Variants in USH2A observed in about 807,000 individuals in gnomAD.
USH2A encodes Usher syndrome 2A (autosomal recessive, mild).
USH2A carries 443 observed loss-of-function variants against 538.9 expected under a neutral mutation model. That is an observed-to-expected ratio of 0.82 (90% CI 0.76 to 0.89). The LOEUF is 0.89. USH2A is among the 40% of genes least tolerant of loss of function. The pLI is 0.00. For missense variants in USH2A, 6,633 were observed against 6,324.8 expected, an observed-to-expected ratio of 1.05 and a Z score of -1.65; for synonymous variants, 2,413 against 2,273.5, an observed-to-expected ratio of 1.06 and a Z score of -1.75.
At chr1:215,998,859 A>G in intron 34 of USH2A, 28 bp downstream of exon 34, 1 of 1,608,474 alleles carries the variant, frequency 6.2e-7, no homozygotes, top group Non-Finnish European at 8.5e-7. Context: ...AGGAATGGGG[A>G]CAGAGAAAGT....
chr1:215,897,979 G>T (rs1665394992), intron 40 of USH2A, among the ~76,000 whole-genome samples: 2 of 152,230 alleles, frequency 1.3e-5, no homozygotes, highest in African/African-American at 4.8e-5. Context: ...CTCAGTCTTT[G>T]TCAACTCAAT....
chr1:215,747,744 G>A (rs1020039040), intron 58 of USH2A, among the ~76,000 whole-genome samples: 1 of 152,150 alleles, frequency 6.6e-6, no homozygotes, highest in Non-Finnish European at 1.5e-5. Flanking sequence ...TCCATCCAGA[G>A]TATCCTAGAA....
In USH2A at chr1:216,421,949, CA is replaced by C. The variant is rs1484339054; in HGVS notation, c.387del (p.Phe129LeufsTer16). 6 of 1,613,758 alleles carry C rather than the reference CA, an allele frequency of 3.7e-6. No homozygotes were observed. The highest frequency in any genetic ancestry group is 5.1e-6 in the Non-Finnish European group (6 of 1,179,914). On this transcript the variant is annotated frameshift_variant, in exon 2 of 72. Transcript: ENST00000307340. LOFTEE classifies it high-confidence loss of function. ...GAAGAAAAGCAGCTCTTGTGATTTC[CA>C]AAAATAAAACTTGCAGAATTGCTAT... ...NAHSNSASFI[F>X]GNHKSCFSSP...
chr1:216,073,411 AT>A, intron 27 of USH2A, 111 bp from the exon 28 acceptor site: 1 of 1,154,950 alleles, frequency 8.7e-7, no homozygotes, highest in Non-Finnish European at 1.3e-6. Flanking sequence ...GTTAGATACA[AT>A]TGCTAGACTT....
chr1:216,063,748 A>G (rs1351213275), intron 30 of USH2A, among the ~76,000 whole-genome samples: 1 of 152,196 alleles, frequency 6.6e-6, no homozygotes, highest in Non-Finnish European at 1.5e-5. Context: ...GTCTTCACTT[A>G]ATGTCATTGG....
intron 60 of USH2A, among the ~76,000 whole-genome samples, chr1:215,736,473 T>C (rs1383780145): frequency 6.6e-6 from 1 of 151,946 alleles, no homozygotes. Flanking sequence ...ATAATGTTGA[T>C]AAACTAGTTA....
chr1:216,234,161 A>G (rs919080297), intron 13 of USH2A, among the ~76,000 whole-genome samples: 11 of 152,230 alleles, frequency 7.2e-5, no homozygotes, highest in Middle Eastern at 3.4e-3. Flanking sequence ...ATACTCTAAA[A>G]CTCATTCCAG....
intron 21 of USH2A, among the ~76,000 whole-genome samples, chr1:216,110,985 G>A (rs748143400): frequency 6.6e-5 from 10 of 152,148 alleles, no homozygotes; most frequent in Non-Finnish European, 1.3e-4. Context: ...CAGCACTTTG[G>A]GAGGTCAAGG....
intron 21 of USH2A, among the ~76,000 whole-genome samples, chr1:216,156,295 C>T (rs74141510): frequency 0.013 from 1,410 of 105,336 alleles, 12 homozygotes; most frequent in African/African-American, 0.033. Flanking sequence ...TTTTTTTTTT[C>T]TTTTTTTTTT....
At chr1:215,693,405 T>C (rs1341313175) in intron 61 of USH2A, among the ~76,000 whole-genome samples, 1 of 152,114 alleles carries the variant, frequency 6.6e-6, no homozygotes, top group Non-Finnish European at 1.5e-5. Context: ...ATTTGTATTG[T>C]TATACATAAG....
At chr1:215,906,286 G>A (rs1286085700) in intron 38 of USH2A, among the ~76,000 whole-genome samples, 1 of 151,980 alleles carries the variant, frequency 6.6e-6, no homozygotes, top group Non-Finnish European at 1.5e-5. Flanking sequence ...AGCATACTGT[G>A]TACAAGGTTA....
chr1:216,394,788 C>T (rs530648309), intron 3 of USH2A, among the ~76,000 whole-genome samples: 6 of 134,132 alleles, frequency 4.5e-5, no homozygotes, highest in South Asian at 2.6e-4. Flanking sequence ...GCGCGATCTC[C>T]GCTCACTGCA....
At chr1:215,634,336 CT>C in intron 70 of USH2A, 122 bp downstream of exon 70, 1 of 1,513,290 alleles carries the variant, frequency 6.6e-7, no homozygotes, top group Non-Finnish European at 9.1e-7. Context: ...GGTCCCCACA[CT>C]TAGTGAAACA....
At chr1:216,273,158 T>C (rs562370334) in intron 11 of USH2A, among the ~76,000 whole-genome samples, 3 of 152,090 alleles carry the variant, frequency 2.0e-5, no homozygotes, top group Admixed American at 6.5e-5. Context: ...AAGCAGATGA[T>C]AGTAAAGGGG....
intron 3 of USH2A, among the ~76,000 whole-genome samples, chr1:216,372,380 A>G (rs2038730296): frequency 6.6e-6 from 1 of 152,122 alleles, no homozygotes; most frequent in African/African-American, 2.4e-5. Flanking sequence ...AGTAACTCAG[A>G]CAAGCCAAGC....
At chr1:215,650,499 G>A in intron 65 of USH2A, 93 bp downstream of exon 65, 1 of 1,451,648 alleles carries the variant, frequency 6.9e-7, no homozygotes, top group Non-Finnish European at 9.6e-7. Flanking sequence ...GGATAAGAAA[G>A]ATGGAGGGAA....
Position 216,190,249 on chromosome 1 carries a change from G to A in USH2A, c.4370C>T (p.Ser1457Leu), listed in dbSNP as rs2034688425. Residue 1457 changes from serine (S) to leucine (L), a missense_variant, in exon 20 of 72, where the codon TCG (serine) becomes TTG (leucine). Transcript: ENST00000307340. ...TGCTGCTAAAGTTTGTCCTGCTCCCGAAGCACTGGTCACACAACCAACTGA... is the reference window on the plus strand; with the variant it reads ...TGCTGCTAAAGTTTGTCCTGCTCCCAAAGCACTGGTCACACAACCAACTGA... ...CNSVGCVTSA[S>L]GAGQTLAAAP... 16 of 1,612,276 alleles carry A rather than the reference G, an allele frequency of 9.9e-6. No homozygotes were observed. The highest frequency in any genetic ancestry group is 1.7e-5 in the Admixed American group (1 of 59,790).
At chr1:215,870,576 C>T (rs1313454884) in intron 43 of USH2A, among the ~76,000 whole-genome samples, 2 of 151,470 alleles carry the variant, frequency 1.3e-5, no homozygotes, top group East Asian at 1.9e-4. Flanking sequence ...TCTGTACAGG[C>T]GTGAGTCACC....
intron 21 of USH2A, among the ~76,000 whole-genome samples, chr1:216,105,886 T>C (rs2032718591): frequency 6.6e-6 from 1 of 151,850 alleles, no homozygotes; most frequent in Admixed American, 6.6e-5. Flanking sequence ...TTTGTTTAAA[T>C]TGTTTATTGC....
Sources: gnomAD v4.1 joint callset for allele counts (sites outside exome capture counted in the v4.1 genomes callset) on GRCh38, gnomAD v4.1.1 for gene constraint, MANE v1.5 for transcripts, NCBI Gene and HGNC (gene_info 2026-07-23, HGNC 2026-07-21) for gene names.